The following NKAIN3 variants were observed in gnomAD, a reference collection of about 807,000 sequenced individuals.
The protein encoded by NKAIN3 is sodium/potassium-transporting ATPase subunit beta-1-interacting protein 3.
NKAIN3 carries 25 observed loss-of-function variants against 30.2 expected under a neutral mutation model. The observed-to-expected ratio is 0.83, with a 90% confidence interval of 0.60 to 1.16. NKAIN3 has a LOEUF of 1.16. Ranked by LOEUF, NKAIN3 falls within the 50% of genes most tolerant of loss-of-function variation. The pLI, the probability that NKAIN3 is intolerant of heterozygous loss-of-function variation, is 0.00. For missense variants in NKAIN3, 225 were observed against 254.1 expected (o/e 0.89, Z 0.78); for synonymous variants, 91 against 89.6 (o/e 1.02, Z -0.09).
intron 4 of NKAIN3, among the ~76,000 whole-genome samples, chr8:62,770,993 C>G (rs937486962): frequency 2.0e-5 from 3 of 151,930 alleles, no homozygotes; most frequent in Admixed American, 6.6e-5. Context: ...TGCAAAGAAA[C>G]AAGAAAGTGT....
intron 2 of NKAIN3, among the ~76,000 whole-genome samples, chr8:62,584,489 A>T (rs1810409269): frequency 6.6e-6 from 1 of 152,206 alleles, no homozygotes; most frequent in Admixed American, 6.5e-5. Context: ...CTCACCAGTG[A>T]CTAGCTTTTC....
chr8:62,345,586 T>C (rs920274062), intron 1 of NKAIN3, among the ~76,000 whole-genome samples: 3 of 147,306 alleles, frequency 2.0e-5, no homozygotes, highest in Admixed American at 6.9e-5. Context: ...TATATGTATA[T>C]ACACACATAT....
At chr8:62,664,363 G>A (rs1387689283) in intron 3 of NKAIN3, among the ~76,000 whole-genome samples, 1 of 152,062 alleles carries the variant, frequency 6.6e-6, no homozygotes, top group East Asian at 1.9e-4. Context: ...TGAATTTCCT[G>A]TGATTCCATT....
intron 1 of NKAIN3, among the ~76,000 whole-genome samples, chr8:62,389,842 T>A (rs1372108001): frequency 3.3e-5 from 5 of 152,116 alleles, no homozygotes. Context: ...TCTTAGATAA[T>A]TAATGTTGTT....
intron 4 of NKAIN3, among the ~76,000 whole-genome samples, chr8:62,843,036 G>T (rs1481215723): frequency 2.0e-5 from 3 of 152,120 alleles, no homozygotes; most frequent in African/African-American, 7.2e-5. Context: ...CACAGCAAAA[G>T]AAACGATGAA....
intron 1 of NKAIN3, among the ~76,000 whole-genome samples, chr8:62,361,678 A>G (rs1453568876): frequency 6.6e-6 from 1 of 152,264 alleles, no homozygotes; most frequent in Non-Finnish European, 1.5e-5. Context: ...TATTCTTCAT[A>G]TAAGTGTGTG....
At chr8:62,887,775 T>C (rs1821192380) in intron 4 of NKAIN3, among the ~76,000 whole-genome samples, 1 of 152,226 alleles carries the variant, frequency 6.6e-6, no homozygotes, top group Admixed American at 6.5e-5. Context: ...TGTCCTTGTG[T>C]TTTGCATGCT....
intron 4 of NKAIN3, among the ~76,000 whole-genome samples, chr8:62,806,107 T>G (rs569082437): frequency 2.0e-5 from 3 of 152,220 alleles, no homozygotes; most frequent in African/African-American, 4.8e-5. Context: ...CAATGAGATA[T>G]CATCTCACAC....
At chr8:62,952,000 A>T (rs1347105671) in intron 5 of NKAIN3, among the ~76,000 whole-genome samples, 2 of 151,864 alleles carry the variant, frequency 1.3e-5, no homozygotes, top group South Asian at 2.1e-4. Context: ...GGGTTTCACC[A>T]TGTTGGCCAG....
At chr8:62,708,157 G>C (rs1190777088) in intron 3 of NKAIN3, among the ~76,000 whole-genome samples, 1 of 152,142 alleles carries the variant, frequency 6.6e-6, no homozygotes, top group Non-Finnish European at 1.5e-5. Context: ...ATCAGGTAGT[G>C]TGATGCCTCC....
intron 3 of NKAIN3, among the ~76,000 whole-genome samples, chr8:62,649,099 G>T (rs1157899167): frequency 2.0e-5 from 3 of 152,146 alleles, no homozygotes; most frequent in Non-Finnish European, 2.9e-5. Context: ...AGATAAGTGG[G>T]AGAAAACAAA....
At chr8:62,658,450 T>C (rs752421203) in intron 3 of NKAIN3, among the ~76,000 whole-genome samples, 2 of 152,190 alleles carry the variant, frequency 1.3e-5, no homozygotes, top group Non-Finnish European at 2.9e-5. Context: ...ACTGAGGCAG[T>C]GGGTGTTCGT....
chr8:62,895,958 A>C (rs565446845), intron 4 of NKAIN3, among the ~76,000 whole-genome samples: 1 of 149,670 alleles, frequency 6.7e-6, no homozygotes, highest in East Asian at 2.0e-4. Context: ...CTGAGAATTT[A>C]TCACCATCCT....
intron 3 of NKAIN3, among the ~76,000 whole-genome samples, chr8:62,726,714 C>T (rs865878780): frequency 1.5e-4 from 23 of 151,724 alleles, no homozygotes; most frequent in Admixed American, 1.5e-3. Context: ...TAATTAATAC[C>T]CTTCATAAAC....
intron 3 of NKAIN3, among the ~76,000 whole-genome samples, chr8:62,731,562 A>G (rs1815466422): frequency 6.6e-6 from 1 of 152,108 alleles, no homozygotes; most frequent in South Asian, 2.1e-4. Context: ...CAGCTCCTGT[A>G]GTGATTGGCT....
chr8:62,649,766 T>A (rs965109093), intron 3 of NKAIN3, among the ~76,000 whole-genome samples: 2 of 152,094 alleles, frequency 1.3e-5, no homozygotes, highest in Non-Finnish European at 2.9e-5. Flanking sequence ...CAGAAAACAG[T>A]GTTGGCATCT....
intron 4 of NKAIN3, among the ~76,000 whole-genome samples, chr8:62,860,077 G>A (rs1369010012): frequency 6.6e-6 from 1 of 152,214 alleles, no homozygotes; most frequent in Non-Finnish European, 1.5e-5. Context: ...CAGCCTTTAA[G>A]CTTGGATAGG....
chr8:62,902,127 A>G (rs1196207570), intron 4 of NKAIN3, among the ~76,000 whole-genome samples: 1 of 152,140 alleles, frequency 6.6e-6, no homozygotes, highest in East Asian at 1.9e-4. Context: ...CTCAATGCAT[A>G]CAACCTGGAG....
intron 4 of NKAIN3, among the ~76,000 whole-genome samples, chr8:62,790,707 CA>C (rs58009071): frequency 0.18 from 27,907 of 151,856 alleles, 2,859 homozygotes; most frequent in East Asian, 0.29. Flanking sequence ...ACACAGAAAA[CA>C]AAACAGATGT....
Sources: allele counts gnomAD v4.1 joint callset (sites outside exome capture counted in the v4.1 genomes callset), GRCh38; gene constraint gnomAD v4.1.1; transcripts MANE v1.5; gene names NCBI Gene and HGNC (gene_info 2026-07-23, HGNC 2026-07-21).